PALLD: variants seen among roughly 807,000 people sequenced by gnomAD.
PALLD encodes the protein palladin.
PALLD carries 61 observed loss-of-function variants against 123.5 expected under a neutral mutation model. That is an observed-to-expected ratio of 0.49 (90% CI 0.40 to 0.61). The LOEUF (loss-of-function observed/expected upper bound fraction) is 0.61, where lower values mean the gene tolerates loss of function less well. PALLD is among the 20% of genes least tolerant of loss of function. The probability of loss-of-function intolerance (pLI) is 0.00; values close to 1 mark genes in which losing one functional copy is unlikely to be tolerated. For synonymous variants in PALLD, 465 were observed against 496.4 expected, an observed-to-expected ratio of 0.94 and a Z score of 0.84; for missense variants, 1,273 against 1,377.0, an observed-to-expected ratio of 0.92 and a Z score of 1.20.
At chr4:168,877,638 G>A (rs1379042628) in intron 10 of PALLD, 4 of 679,546 alleles carry the variant, frequency 5.9e-6, no homozygotes, top group East Asian at 8.4e-5. Context: ...AGTGCCAAGC[G>A]ATGTCCACAA....
At chr4:168,579,540 G>A (rs935218088) in intron 2 of PALLD, among the ~76,000 whole-genome samples, 1 of 151,802 alleles carries the variant, frequency 6.6e-6, no homozygotes, top group Non-Finnish European at 1.5e-5. Flanking sequence ...TATAATATCG[G>A]GTAGTTAAAG....
At chr4:168,656,393 C>T (rs1778575579) in intron 2 of PALLD, among the ~76,000 whole-genome samples, 1 of 151,964 alleles carries the variant, frequency 6.6e-6, no homozygotes, top group African/African-American at 2.4e-5. Flanking sequence ...ATTTTTTTAG[C>T]TAACAAGTGT....
chr4:168,535,760 G>A (rs1447723092), intron 2 of PALLD, among the ~76,000 whole-genome samples: 1 of 152,130 alleles, frequency 6.6e-6, no homozygotes, highest in Non-Finnish European at 1.5e-5. Flanking sequence ...GCAAGTTTAG[G>A]CAAATAAAGG....
At chr4:168,500,267 T>TC (rs1761259590) in intron 1 of PALLD, among the ~76,000 whole-genome samples, 1 of 152,206 alleles carries the variant, frequency 6.6e-6, no homozygotes, top group African/African-American at 2.4e-5. Context: ...TTCCTTGTCT[T>TC]CCCCAAGTTC....
At chr4:168,910,329 GCCA>G (rs1758670847) in intron 15 of PALLD, among the ~76,000 whole-genome samples, 1 of 149,552 alleles carries the variant, frequency 6.7e-6, no homozygotes, top group Non-Finnish European at 1.5e-5. Flanking sequence ...ATCAAATGCA[GCCA>G]TCACACTAAC....
At chr4:168,555,467 G>GCC (rs1359390078) in intron 2 of PALLD, among the ~76,000 whole-genome samples, 1 of 152,168 alleles carries the variant, frequency 6.6e-6, no homozygotes, top group Non-Finnish European at 1.5e-5. Flanking sequence ...ACCGCAGCGA[G>GCC]CCCTCTGTGG....
rs536545858 is a variant in PALLD at position 168,925,208 on chromosome 4, GCT to G, written c.3359-14_3359-13del. The G allele has an allele frequency of 0.74, 1,177,387 of 1,580,684 alleles. 444,219 individuals carry two copies. The highest frequency in any genetic ancestry group is 0.96 in the East Asian group (42,746 of 44,660). ...TTTATTTGTCAAAAAAATTCATATT[GCT>G]CTCTCTCTCTTTCTATTTGTAGTTT... On this transcript the variant is annotated intron_variant, in intron 20 of 21. Coordinates refer to ENST00000505667, the MANE Select transcript of PALLD (RefSeq NM_001166108.2).
chr4:168,722,370 C>T (rs981673489), intron 10 of PALLD, among the ~76,000 whole-genome samples: 8 of 152,122 alleles, frequency 5.3e-5, no homozygotes, highest in African/African-American at 1.9e-4. Context: ...ACTTTAAAGA[C>T]CAACATTTAC....
intron 2 of PALLD, among the ~76,000 whole-genome samples, chr4:168,560,215 C>T (rs929924066): frequency 6.6e-6 from 1 of 152,140 alleles, no homozygotes; most frequent in African/African-American, 2.4e-5. Context: ...TAAAATAGTT[C>T]AGGTACCCTA....
chr4:168,795,744 A>G (rs1219226643), intron 10 of PALLD, among the ~76,000 whole-genome samples: 1 of 140,518 alleles, frequency 7.1e-6, no homozygotes, highest in Non-Finnish European at 1.5e-5. Context: ...GCCTTGCTTT[A>G]TCACCCAGGC....
rs553708649 is a variant in PALLD, at chr4:168,616,036, A to G, written c.909-52154A>G. 1.1e-3 allele frequency among the ~76,000 whole-genome samples: 162 copies of G among 152,128 alleles called. 1 individual carries two copies. Among genetic ancestry groups the G allele is most frequent in the African/African-American group, 3.7e-3 (155 of 41,496 alleles). On this transcript the variant is annotated intron_variant, in intron 2 of 21. Coordinates refer to ENST00000505667, the MANE Select transcript of PALLD (RefSeq NM_001166108.2). Reference sequence around the variant, plus strand: ...ATCCTTGGGTTTTGATGATTGTGACAGTATTTTTTGCCTATGTTTTACATA... The same window carrying G: ...ATCCTTGGGTTTTGATGATTGTGACGGTATTTTTTGCCTATGTTTTACATA...
chr4:168,571,214 T>G (rs1329576896), intron 2 of PALLD, among the ~76,000 whole-genome samples: 1 of 152,170 alleles, frequency 6.6e-6, no homozygotes, highest in Non-Finnish European at 1.5e-5. Context: ...CTCTTTTCCT[T>G]CTGCTTCATT....
At chr4:168,775,159 T>G (rs983072277) in intron 10 of PALLD, among the ~76,000 whole-genome samples, 1 of 152,198 alleles carries the variant, frequency 6.6e-6, no homozygotes, top group African/African-American at 2.4e-5. Flanking sequence ...CTTTCCACCA[T>G]GATTGTATGA....
At chr4:168,891,635 G>A (rs1359427288) in intron 11 of PALLD, among the ~76,000 whole-genome samples, 1 of 151,822 alleles carries the variant, frequency 6.6e-6, no homozygotes. Context: ...AGAAGGAAGG[G>A]CAGATATCTG....
intron 10 of PALLD, among the ~76,000 whole-genome samples, chr4:168,776,573 T>C (rs921165346): frequency 1.2e-4 from 18 of 152,220 alleles, no homozygotes; most frequent in Non-Finnish European, 2.4e-4. Context: ...CCTTGCCTTG[T>C]TCCTTATATT....
chr4:168,909,672 TGCA>T (rs915126308), intron 15 of PALLD, among the ~76,000 whole-genome samples: 3 of 152,162 alleles, frequency 2.0e-5, no homozygotes, highest in Non-Finnish European at 4.4e-5. Flanking sequence ...TAAAAGCAAA[TGCA>T]GCAGCATTAA....
chr4:168,643,949 C>G (rs1284851100), intron 2 of PALLD, among the ~76,000 whole-genome samples: 1 of 152,006 alleles, frequency 6.6e-6, no homozygotes, highest in Non-Finnish European at 1.5e-5. Context: ...GGGTACTAAC[C>G]CTGGTGTGCT....
intron 2 of PALLD, among the ~76,000 whole-genome samples, chr4:168,540,107 A>G (rs185570347): frequency 2.6e-5 from 4 of 152,260 alleles, no homozygotes; most frequent in African/African-American, 9.6e-5. Context: ...TAATTATGGC[A>G]CCGTATTATG....
At chr4:168,710,910 G>C (rs938680401) in intron 9 of PALLD, among the ~76,000 whole-genome samples, 4 of 152,140 alleles carry the variant, frequency 2.6e-5, no homozygotes, top group Admixed American at 1.3e-4. Flanking sequence ...TTTTATTTCT[G>C]AGCTTTTTGT....
Sources: gnomAD v4.1 joint callset for allele counts (sites outside exome capture counted in the v4.1 genomes callset) on GRCh38, gnomAD v4.1.1 for gene constraint, MANE v1.5 for transcripts, NCBI Gene and HGNC (gene_info 2026-07-23, HGNC 2026-07-21) for gene names.